Variants in STRIP1 observed in about 807,000 individuals in gnomAD.
The protein encoded by STRIP1 is striatin interacting protein 1.
Under a neutral mutation model 106.2 loss-of-function variants are expected in STRIP1, and 63 were observed. The observed-to-expected ratio is 0.59, with a 90% CI of 0.48 to 0.73. The LOEUF is 0.73. Ranked by LOEUF, STRIP1 falls within the 30% of genes least tolerant of loss-of-function variation. STRIP1 has a pLI of 0.00. For synonymous variants in STRIP1, 390 were observed against 413.0 expected (o/e 0.94, Z 0.67); for missense variants, 857 against 1,074.8 (o/e 0.80, Z 2.83).
At chr1:110,049,612 TC>T in intron 17 of STRIP1, 52 bp downstream of exon 17, 1 of 1,307,494 alleles carries the variant, frequency 7.6e-7, no homozygotes, top group Non-Finnish European at 1.1e-6. Context: ...ACGGCAGAGT[TC>T]CCAGCTGGTA....
Position 110,038,091 on chromosome 1 carries a change from T to TAC in STRIP1, c.250+132_250+133insCA, listed in dbSNP as rs1553193250. The TAC allele has an allele frequency of 8.9e-3, 1,466 of 163,928 alleles. 42 individuals carry two copies. The highest frequency in any genetic ancestry group is 0.038 in the African/African-American group (1,373 of 35,994). 10.2% of individuals were successfully genotyped at this position (163,928 alleles called of 1,614,324 possible). Reference sequence around the variant, plus strand: ...TATCAAATATATATATATATATATATATATATATATATATATATATATGTA... The same window carrying TAC: ...TATCAAATATATATATATATATATATACATATATATATATATATATATATGTA... On this transcript the variant is annotated intron_variant, in intron 2 of 20. Transcript: ENST00000369795.
intron 6 of STRIP1, chr1:110,041,070 T>C (rs771773456): frequency 1.4e-5 from 3 of 209,622 alleles, no homozygotes; most frequent in Non-Finnish European, 2.9e-5. Context: ...CTCATCTTCA[T>C]TGGGTTAGAC....
rs190228018 is a variant in STRIP1 at position 110,050,430 on chromosome 1, C to T, written c.1956+21C>T. 1.2e-3 allele frequency: 1,879 copies of T among 1,613,074 alleles called. 17 individuals are homozygous for T. In the African/African-American group the frequency reaches 0.022, roughly 19 times the overall value. On this transcript the variant is annotated intron_variant, in intron 18 of 20. Transcript: ENST00000369795. ...GTTTGGTGAGTGGCTGGGCTCTCCT[C>T]AGCTGTCCTTTTGGCACCAGGGTCA...
intron 1 of STRIP1, 150 bp from the exon 2 acceptor site, chr1:110,037,741 A>G: frequency 1.8e-6 from 1 of 549,596 alleles, no homozygotes. Context: ...AAAGTATAGG[A>G]TACTCTGAGA....
intron 6 of STRIP1, 29 bp downstream of exon 6, chr1:110,040,732 GAGCGTT>G (rs772108818): frequency 5.0e-6 from 8 of 1,591,748 alleles, no homozygotes; most frequent in Non-Finnish European, 6.8e-6. Context: ...CTGGGCTCCT[GAGCGTT>G]AGTCAGAGAT....
At chr1:110,043,328 C>A in intron 9 of STRIP1, 58 bp downstream of exon 9, 1 of 1,533,446 alleles carries the variant, frequency 6.5e-7, no homozygotes, top group Non-Finnish European at 8.9e-7. Flanking sequence ...ATGCTTGCAG[C>A]AGCACAGTCC....
At position 110,045,092 on chromosome 1, in the gene STRIP1, G is replaced by A. The variant is rs745401939; in HGVS notation, c.1416+14G>A. On this transcript the variant is annotated intron_variant, in intron 12 of 20. Transcript: ENST00000369795. Reference sequence around the variant, plus strand: ...ACTCTGAAACAGGTGAGTGGCTTTGGGTGAGCTTTTGGCTTGTTTGGTCCT... The same window carrying A: ...ACTCTGAAACAGGTGAGTGGCTTTGAGTGAGCTTTTGGCTTGTTTGGTCCT... The A allele has an allele frequency of 2.5e-6, 4 of 1,613,762 alleles. No individual in the cohort carries two copies. Among genetic ancestry groups the A allele is most frequent in the African/African-American group, 2.7e-5 (2 of 75,022 alleles).
chr1:110,034,205 G>A (rs551130582), upstream of STRIP1, among the ~76,000 whole-genome samples: 2 of 152,300 alleles, frequency 1.3e-5, no homozygotes, highest in East Asian at 3.9e-4. Context: ...TTGGTGCACA[G>A]GAGACATTTA....
chr1:110,052,193 T>G (rs920301037), intron 20 of STRIP1, among the ~76,000 whole-genome samples: 3 of 152,208 alleles, frequency 2.0e-5, no homozygotes, highest in African/African-American at 7.2e-5. Context: ...CCTAAACTCT[T>G]ACAGCTCTTG....
At chr1:110,034,888 C>T in intron 1 of STRIP1, 71 bp downstream of exon 1, 4 of 1,351,084 alleles carry the variant, frequency 3.0e-6, no homozygotes, top group African/African-American at 1.5e-5. Context: ...CGGGGCCACT[C>T]TAGGGGCCAG....
intron 1 of STRIP1, among the ~76,000 whole-genome samples, chr1:110,035,976 CG>C (rs1422557789): frequency 6.6e-6 from 1 of 152,106 alleles, no homozygotes; most frequent in Non-Finnish European, 1.5e-5. Context: ...GGTGGGATGA[CG>C]GACATCAGTG....
chr1:110,034,294 T>G (rs2101760003), upstream of STRIP1, among the ~76,000 whole-genome samples: 1 of 152,316 alleles, frequency 6.6e-6, no homozygotes, highest in East Asian at 1.9e-4. Flanking sequence ...CTATCCATTT[T>G]GTTCATTACA....
chr1:110,041,480 G>A (rs1652754709), intron 6 of STRIP1, 56 bp from the exon 7 acceptor site: 3 of 1,249,546 alleles, frequency 2.4e-6, no homozygotes, highest in African/African-American at 1.5e-5. Context: ...TTAGACACTA[G>A]GGTGCTCCTT....
Position 110,049,098 on chromosome 1 carries a change from A to C in STRIP1, c.1662-14A>C, listed in dbSNP as rs1653167113. On this transcript the variant is annotated splice_polypyrimidine_tract_variant and intron_variant, in intron 15 of 20. Transcript: ENST00000369795. ...GCGCATGCTGGTGGCTTACCCAGGC[A>C]ATTATGTTTCCAGCACCACAGTGTT... is the stretch of plus-strand genomic sequence containing the variant. The C allele has an allele frequency of 6.2e-7, 1 of 1,614,162 alleles. No homozygotes were observed. The highest frequency in any genetic ancestry group is 1.7e-5 in the Admixed American group (1 of 60,028).
At chr1:110,053,592 C>T (rs1258383225) in intron 20 of STRIP1, 73 bp from the exon 21 acceptor site, 1 of 1,577,412 alleles carries the variant, frequency 6.3e-7, no homozygotes, top group Admixed American at 1.7e-5. Context: ...ACTCAATATT[C>T]CTGGCCAGTG....
At chr1:110,049,975 C>T (rs74671291) in intron 17 of STRIP1, 4,222 of 339,354 alleles carry the variant, frequency 0.012, 152 homozygotes, top group East Asian at 0.11. Context: ...ATTACTTGCT[C>T]GTCAGTGTGA....
At chr1:110,040,341 C>T (rs1652698190) in intron 5 of STRIP1, among the ~76,000 whole-genome samples, 2 of 152,122 alleles carry the variant, frequency 1.3e-5, no homozygotes, top group South Asian at 4.1e-4. Context: ...GCCACCACAC[C>T]CAGCTAATTT....
intron 17 of STRIP1, chr1:110,050,020 GA>G (rs150291688): frequency 0.013 from 5,269 of 391,152 alleles, 129 homozygotes; most frequent in African/African-American, 0.051. Flanking sequence ...CCTGTCTCCA[GA>G]AAGGTTTGGC....
Position 110,044,698 on chromosome 1 carries a change from T to G in STRIP1, c.1287-142T>G, listed in dbSNP as rs1382368152. The G allele has an allele frequency of 9.9e-6, 8 of 804,576 alleles. No homozygotes were observed. The African/African-American group carries it at 1.4e-4, about 14-fold the overall frequency. 49.8% of individuals were successfully genotyped at this position (804,576 alleles called of 1,614,324 possible). A position where few individuals can be genotyped will look rare whatever the true frequency, so the allele number is the denominator to read the frequency against. On this transcript the variant is annotated intron_variant, in intron 10 of 20. Coordinates refer to ENST00000369795, the MANE Select transcript of STRIP1 (RefSeq NM_033088.4). ...TCTCTGAAAATTTCAGTTTTTTCCC[T>G]TTTTTCAAAGAGAAAAACAATTATA...
Sources: gnomAD v4.1 joint callset for allele counts (sites outside exome capture counted in the v4.1 genomes callset) on GRCh38, gnomAD v4.1.1 for gene constraint, MANE v1.5 for transcripts, NCBI Gene and HGNC (gene_info 2026-07-23, HGNC 2026-07-21) for gene names.